DAP: variants seen among roughly 807,000 people sequenced by gnomAD.
DAP encodes death associated protein, also known as death-associated protein 1.
Under a neutral mutation model 13.8 loss-of-function variants are expected in DAP, and 8 were observed. The ratio of observed to expected loss-of-function variants is 0.58; its 90% confidence interval spans 0.34 to 1.05. DAP has a LOEUF of 1.05. DAP is among the 50% of genes least tolerant of loss of function. The pLI, the probability that DAP is intolerant of heterozygous loss-of-function variation, is 0.03. For missense variants in DAP, 106 were observed against 133.2 expected (o/e 0.80, Z 1.01); for synonymous variants, 47 against 47.5 (o/e 0.99, Z 0.04).
intron 2 of DAP, among the ~76,000 whole-genome samples, chr5:10,685,169 T>G (rs1738125300): frequency 3.5e-5 from 2 of 56,720 alleles, no homozygotes; most frequent in African/African-American, 2.8e-4. Context: ...TTCTGTTACT[T>G]CGCGACATTA....
intron 2 of DAP, among the ~76,000 whole-genome samples, chr5:10,698,847 G>A (rs1579791584): frequency 6.6e-6 from 1 of 152,304 alleles, no homozygotes; most frequent in Non-Finnish European, 1.5e-5. Context: ...AATATAAAAT[G>A]AAGGTATGTT....
At chr5:10,689,807 A>C (rs1738257339) in intron 2 of DAP, among the ~76,000 whole-genome samples, 1 of 152,098 alleles carries the variant, frequency 6.6e-6, no homozygotes, top group Admixed American at 6.5e-5. Context: ...CTCACTCAGG[A>C]TGGAAAGGCC....
rs563323412 is a variant in DAP, at chr5:10,700,207, A to G, written c.153-16636T>C. Among the ~76,000 whole-genome samples, 11 of 152,340 alleles carry G rather than the reference A, an allele frequency of 7.2e-5. No individual in the cohort carries two copies. In the South Asian group the frequency reaches 2.3e-3, roughly 32 times the overall value. On this transcript the variant is annotated intron_variant, in intron 2 of 3. Transcript: ENST00000230895. ...TAATCCTCACTTTGAGGCGCTATGT[A>G]CACGTAGACATCTACATGAGAGCCT...
At chr5:10,687,749 A>C (rs1738190944) in intron 2 of DAP, among the ~76,000 whole-genome samples, 1 of 152,240 alleles carries the variant, frequency 6.6e-6, no homozygotes, top group Non-Finnish European at 1.5e-5. Flanking sequence ...CTTAATTGAT[A>C]AAGCAGTGGC....
intron 2 of DAP, among the ~76,000 whole-genome samples, chr5:10,725,182 T>A (rs1739256847): frequency 6.6e-6 from 1 of 152,230 alleles, no homozygotes; most frequent in Admixed American, 6.5e-5. Flanking sequence ...CTTATCGTCA[T>A]CATGAATTTG....
chr5:10,718,890 G>A (rs1739063015), intron 2 of DAP, among the ~76,000 whole-genome samples: 1 of 152,196 alleles, frequency 6.6e-6, no homozygotes, highest in Non-Finnish European at 1.5e-5. Context: ...ATCTTATTCG[G>A]AGAGACCTTG....
chr5:10,696,440 A>G (rs1738441932), intron 2 of DAP, among the ~76,000 whole-genome samples: 1 of 152,204 alleles, frequency 6.6e-6, no homozygotes, highest in African/African-American at 2.4e-5. Context: ...AAGCAGTGTC[A>G]TGGCACGTTT....
At chr5:10,727,006 G>A (rs1739303155) in intron 2 of DAP, among the ~76,000 whole-genome samples, 1 of 152,190 alleles carries the variant, frequency 6.6e-6, no homozygotes. Context: ...CTGTCGAGAG[G>A]GAGAGACAGA....
intron 2 of DAP, among the ~76,000 whole-genome samples, chr5:10,689,494 A>AGAT (rs1475878040): frequency 6.6e-6 from 1 of 152,156 alleles, no homozygotes; most frequent in East Asian, 1.9e-4. Context: ...AAATTCACGG[A>AGAT]GATAGCTCCT....
At chr5:10,693,230 C>T (rs1284398378) in intron 2 of DAP, among the ~76,000 whole-genome samples, 1 of 152,094 alleles carries the variant, frequency 6.6e-6, no homozygotes, top group East Asian at 1.9e-4. Flanking sequence ...GCAGCAAAGG[C>T]ATTACTGGAG....
intron 2 of DAP, among the ~76,000 whole-genome samples, chr5:10,737,120 C>T (rs1016301461): frequency 2.0e-5 from 3 of 151,990 alleles, no homozygotes; most frequent in Admixed American, 6.6e-5. Flanking sequence ...CTGAGGCAGG[C>T]GATCACCTGA....
At chr5:10,701,090 C>A (rs892316771) in intron 2 of DAP, among the ~76,000 whole-genome samples, 2 of 152,226 alleles carry the variant, frequency 1.3e-5, no homozygotes, top group Non-Finnish European at 2.9e-5. Flanking sequence ...AGGAGGCAAA[C>A]CATGGCATCT....
chr5:10,696,726 C>G (rs1321862564), intron 2 of DAP, among the ~76,000 whole-genome samples: 1 of 152,190 alleles, frequency 6.6e-6, no homozygotes, highest in Non-Finnish European at 1.5e-5. Context: ...TTCTCTCTCT[C>G]TCATTTCTTT....
In DAP at chr5:10,711,619, G is replaced by A. The variant is rs113513016; in HGVS notation, c.153-28048C>T. Among the ~76,000 whole-genome samples the A allele has an allele frequency of 2.4e-3, 372 of 152,166 alleles. 3 individuals are homozygous for A. Among genetic ancestry groups the A allele is most frequent in the African/African-American group, 8.0e-3 (333 of 41,522 alleles). ...AGCGCTTCCTGTGTTTCCTGGAGTC[G>A]GTGCTTCTCACCACCCTGCCCTCCA... On this transcript the variant is annotated intron_variant, in intron 2 of 3. Transcript: ENST00000230895.
intron 2 of DAP, among the ~76,000 whole-genome samples, chr5:10,718,834 A>T (rs373725520): frequency 6.6e-6 from 1 of 152,218 alleles, no homozygotes; most frequent in Non-Finnish European, 1.5e-5. Flanking sequence ...ATACACATTT[A>T]CTGTCCTACC....
At chr5:10,720,139 T>C (rs989102650) in intron 2 of DAP, among the ~76,000 whole-genome samples, 3 of 152,198 alleles carry the variant, frequency 2.0e-5, no homozygotes, top group Non-Finnish European at 4.4e-5. Flanking sequence ...GAAGCAAGTT[T>C]ATTGACTTTA....
intron 2 of DAP, among the ~76,000 whole-genome samples, chr5:10,717,250 G>C (rs759691580): frequency 6.6e-6 from 1 of 152,222 alleles, no homozygotes; most frequent in Non-Finnish European, 1.5e-5. Flanking sequence ...CCCTGAGTGA[G>C]AGTCTTACCT....
chr5:10,752,976 C>T (rs1014584682), intron 1 of DAP, among the ~76,000 whole-genome samples: 1 of 152,220 alleles, frequency 6.6e-6, no homozygotes, highest in African/African-American at 2.4e-5. Flanking sequence ...GCTCTTCACC[C>T]TCTCTTCACA....
At chr5:10,709,253 T>C (rs1289036005) in intron 2 of DAP, among the ~76,000 whole-genome samples, 1 of 152,240 alleles carries the variant, frequency 6.6e-6, no homozygotes, top group Non-Finnish European at 1.5e-5. Context: ...TTAGGTTTGC[T>C]ATTCAGGACG....
Sources: allele counts gnomAD v4.1 joint callset (sites outside exome capture counted in the v4.1 genomes callset), GRCh38; gene constraint gnomAD v4.1.1; transcripts MANE v1.5; gene names NCBI Gene and HGNC (gene_info 2026-07-23, HGNC 2026-07-21).